The following PROKR1 variants were observed in gnomAD, a reference collection of about 807,000 sequenced individuals.
PROKR1 encodes the protein G protein-coupled receptor 73.
Under a neutral mutation model 22.8 loss-of-function variants are expected in PROKR1, and 21 were observed. The ratio of observed to expected loss-of-function variants is 0.92; its 90% CI spans 0.65 to 1.32. The LOEUF (loss-of-function observed/expected upper bound fraction) is 1.32, where lower values mean the gene tolerates loss of function less well. PROKR1 is among the 40% of genes most tolerant of loss of function. PROKR1 has a pLI of 0.00. For synonymous variants in PROKR1, 193 were observed against 207.5 expected (o/e 0.93, Z 0.60); for missense variants, 548 against 514.2 (o/e 1.07, Z -0.64).
At chr2:68,651,981 C>T (rs1232111942) in intron 2 of PROKR1, among the ~76,000 whole-genome samples, 1 of 152,138 alleles carries the variant, frequency 6.6e-6, no homozygotes, top group Non-Finnish European at 1.5e-5. Flanking sequence ...AGTTAGAAAC[C>T]AACTGTGATG....
intron 2 of PROKR1, among the ~76,000 whole-genome samples, chr2:68,652,670 T>C (rs1673357394): frequency 8.0e-6 from 1 of 125,036 alleles, no homozygotes; most frequent in African/African-American, 4.0e-5. Context: ...AAAAATACAT[T>C]TTAAAATGCT....
intron 2 of PROKR1, among the ~76,000 whole-genome samples, chr2:68,649,149 A>T (rs1220466735): frequency 2.0e-5 from 3 of 152,232 alleles, no homozygotes; most frequent in Non-Finnish European, 2.9e-5. Context: ...TAAAAAAAAT[A>T]CAAGATTTTT....
At position 68,655,049 on chromosome 2, in the gene PROKR1, C is replaced by T; in HGVS notation, c.655C>T (p.Gln219Ter). The T allele has an allele frequency of 6.2e-7, 1 of 1,613,968 alleles. No individual in the cohort carries two copies. Among genetic ancestry groups the T allele is most frequent in the East Asian group, 2.2e-5 (1 of 44,854 alleles). Reference protein sequence around the residue: ...VKSQEKIFCGQIWPVDQQLYY... With the variant: ...VKSQEKIFCG Reference sequence around the variant, plus strand: ...GAGCCAGGAAAAGATCTTCTGCGGCCAGATCTGGCCTGTGGACCAGCAGCT... The same window carrying T: ...GAGCCAGGAAAAGATCTTCTGCGGCTAGATCTGGCCTGTGGACCAGCAGCT... The change falls in exon 3 of 3, where the codon CAG becomes TAG. Residue 219 changes from glutamine to a stop codon, truncating the protein, a stop_gained. Coordinates refer to ENST00000303786, the MANE Select transcript of PROKR1 (RefSeq NM_138964.4). LOFTEE classifies it high-confidence loss of function.
In PROKR1 at chr2:68,656,330, T is replaced by C. The variant is rs1225750561; in HGVS notation, c.*754T>C. On this transcript the variant is annotated 3_prime_UTR_variant, in exon 3 of 3. Transcript: ENST00000303786. ...GGGAAGCCTGGATTCAGGGTAAGCA[T>C]GTCCCCTGGCTCCATGGACTTTTTG... is the stretch of plus-strand genomic sequence containing the variant. The C allele has an allele frequency of 1.3e-5, 2 of 152,830 alleles. No individual in the cohort carries two copies. Among genetic ancestry groups the C allele is most frequent in the Non-Finnish European group, 2.9e-5 (2 of 68,576 alleles). The allele number at this position is 152,830 out of a possible 1,614,324, so 9.5% of individuals were successfully genotyped here. A position where few individuals can be genotyped will look rare whatever the true frequency, so the allele number is the denominator to read the frequency against.
chr2:68,655,497 G>GT lies in PROKR1; in HGVS notation c.1104dup (p.Lys369Ter). The GT allele has an allele frequency of 6.2e-7, 1 of 1,614,204 alleles. No homozygotes were observed. The highest frequency in any genetic ancestry group is 1.1e-5 in the South Asian group (1 of 91,082). Reference sequence around the variant, plus strand: ...CACTGGAAGGCTTCTTACAATGGCGGTAAGTCCAGTGCAGACCTGGACCTC... The same window carrying GT: ...CACTGGAAGGCTTCTTACAATGGCGGTTAAGTCCAGTGCAGACCTGGACCTC... On this transcript the variant is annotated frameshift_variant, in exon 3 of 3. Coordinates refer to ENST00000303786, the MANE Select transcript of PROKR1 (RefSeq NM_138964.4). LOFTEE classifies it high-confidence loss of function.
At chr2:68,651,744 G>A (rs545476038) in intron 2 of PROKR1, among the ~76,000 whole-genome samples, 60 of 152,298 alleles carry the variant, frequency 3.9e-4, no homozygotes, top group Middle Eastern at 3.4e-3. Context: ...TCCTGGGAAC[G>A]GAGACAGAGC....
In PROKR1 at chr2:68,657,534, A is replaced by G. The variant is rs4854436; in HGVS notation, c.*1958A>G. ...AGAATCGGAGTATCTTTGTGATACT[A>G]GAAGTGCTGATCATCTTCCCATGAC... is the stretch of plus-strand genomic sequence containing the variant. On this transcript the variant is annotated 3_prime_UTR_variant, in exon 3 of 3. Coordinates refer to ENST00000303786, the MANE Select transcript of PROKR1 (RefSeq NM_138964.4). The G allele has an allele frequency of 0.58, 88,855 of 152,074 alleles. 28,220 individuals carry two copies. Among genetic ancestry groups the G allele is most frequent in the African/African-American group, 0.85 (35,185 of 41,492 alleles). The allele number at this position is 152,074 out of a possible 1,614,324, so 9.4% of individuals were successfully genotyped here.
intron 2 of PROKR1, among the ~76,000 whole-genome samples, chr2:68,652,000 AGAG>A (rs1273619148): frequency 1.3e-5 from 2 of 152,194 alleles, no homozygotes; most frequent in Non-Finnish European, 2.9e-5. Flanking sequence ...TGGAGAGGAA[AGAG>A]GAGAAGGGCT....
rs745851440 is a variant in PROKR1 at position 68,654,861 on chromosome 2, A to G, written c.486-19A>G. 1.3e-6 allele frequency: 2 copies of G among 1,581,836 alleles called. No homozygotes were observed. Among genetic ancestry groups the G allele is most frequent in the African/African-American group, 1.4e-5 (1 of 73,638 alleles). On this transcript the variant is annotated intron_variant, in intron 2 of 2. Transcript: ENST00000303786. The stretch of plus-strand genomic sequence containing the variant: ...CTTCTTTCTCACAGTGGCTGCCTCC[A>G]CTTGTGTTCTTGCCCTAGGTATCTG...
intron 2 of PROKR1, among the ~76,000 whole-genome samples, chr2:68,651,084 A>G (rs187058240): frequency 5.9e-5 from 9 of 152,312 alleles, no homozygotes; most frequent in Admixed American, 3.9e-4. Flanking sequence ...AAATGAGGCC[A>G]GGTGTGGTGG....
Position 68,655,038 on chromosome 2 carries a change from T to A in PROKR1, c.644T>A (p.Ile215Asn). The A allele has an allele frequency of 6.2e-7, 1 of 1,613,246 alleles. No individual in the cohort carries two copies. The highest frequency in any genetic ancestry group is 8.5e-7 in the Non-Finnish European group (1 of 1,179,896). ...GTCATTGTCAAGAGCCAGGAAAAGA[T>A]CTTCTGCGGCCAGATCTGGCCTGTG... ...VLVIVKSQEK[I>N]FCGQIWPVDQ... The change falls in exon 3 of 3, where the codon ATC becomes AAC. Residue 215 changes from isoleucine (I) to asparagine (N), a missense_variant. By Grantham distance (149) the Ile-to-Asn change is moderately radical. Transcript: ENST00000303786.
intron 2 of PROKR1, among the ~76,000 whole-genome samples, chr2:68,646,886 A>G (rs531845076): frequency 7.0e-4 from 106 of 152,168 alleles, no homozygotes; most frequent in Middle Eastern, 3.4e-3. Flanking sequence ...CACCTTTTGA[A>G]AAAATTAAAA....
At chr2:68,646,372 T>A (rs1673180045) in intron 2 of PROKR1, 66 bp downstream of exon 2, 1 of 1,587,582 alleles carries the variant, frequency 6.3e-7, no homozygotes, top group African/African-American at 1.3e-5. Flanking sequence ...AATTGCCCCC[T>A]CCTGTACTGC....
intron 2 of PROKR1, among the ~76,000 whole-genome samples, chr2:68,649,941 C>T (rs373896145): frequency 8.5e-5 from 13 of 152,056 alleles, no homozygotes; most frequent in African/African-American, 1.2e-4. Context: ...CTGTCTTGTA[C>T]GTGTCTCCAC....
chr2:68,653,132 A>C (rs1179609518), intron 2 of PROKR1, among the ~76,000 whole-genome samples: 1 of 152,192 alleles, frequency 6.6e-6, no homozygotes, highest in Non-Finnish European at 1.5e-5. Flanking sequence ...GGCTCTGGTT[A>C]CATCAGGAGC....
rs780773340 is a variant in PROKR1 at position 68,655,287 on chromosome 2, C to A, written c.893C>A (p.Ala298Glu). ...CTCACCGCCTACGTGCTATGCTGGG[C>A]GCCCTTCTACGGCTTCACCATCGTG... Reference protein sequence around the residue: ...CILTAYVLCWAPFYGFTIVRD... With the variant: ...CILTAYVLCWEPFYGFTIVRD... The change falls in exon 3 of 3, where the codon GCG (alanine) becomes GAG (glutamate). Residue 298 changes from alanine to glutamate, a missense_variant. Ala to Glu is a moderately radical substitution (Grantham distance 107). Coordinates refer to ENST00000303786, the MANE Select transcript of PROKR1 (RefSeq NM_138964.4). The A allele has an allele frequency of 6.2e-7, 1 of 1,614,240 alleles. No homozygotes were observed. Among genetic ancestry groups the A allele is most frequent in the Middle Eastern group, 1.6e-4 (1 of 6,062 alleles).
intron 2 of PROKR1, among the ~76,000 whole-genome samples, chr2:68,648,642 T>C (rs894936812): frequency 2.0e-5 from 3 of 152,216 alleles, no homozygotes; most frequent in African/African-American, 7.2e-5. Context: ...GTTGTTACCA[T>C]CTAATTGTGG....
At position 68,655,092 on chromosome 2, in the gene PROKR1, TC is replaced by T; in HGVS notation, c.700del (p.Leu234SerfsTer6). 6.2e-7 allele frequency: 1 copy of T among 1,614,124 alleles called. No individual in the cohort carries two copies. Among genetic ancestry groups the T allele is most frequent in the Non-Finnish European group, 8.5e-7 (1 of 1,180,034 alleles). ...CAGCAGCTCTACTACAAGTCCTACT[TC>T]CTCTTTATCTTTGGCATAGAATTCG... ...VDQQLYYKSY[F>X]LFIFGIEFVG... On this transcript the variant is annotated frameshift_variant, in exon 3 of 3. Coordinates refer to ENST00000303786, the MANE Select transcript of PROKR1 (RefSeq NM_138964.4). LOFTEE classifies it high-confidence loss of function.
At chr2:68,646,327 G>A in intron 2 of PROKR1, 21 bp downstream of exon 2, 1 of 1,613,954 alleles carries the variant, frequency 6.2e-7, no homozygotes, top group South Asian at 1.1e-5. Flanking sequence ...CAGCAGTGGG[G>A]ACAACAAAGG....
Sources: allele counts gnomAD v4.1 joint callset (sites outside exome capture counted in the v4.1 genomes callset), GRCh38; gene constraint gnomAD v4.1.1; transcripts MANE v1.5; gene names NCBI Gene and HGNC (gene_info 2026-07-23, HGNC 2026-07-21).